The following TSPAN16 variants were observed in gnomAD, a reference collection of about 807,000 sequenced individuals.
TSPAN16 encodes tetraspanin 16.
A neutral mutation model predicts 25.2 loss-of-function variants in TSPAN16; 23 were observed. The observed-to-expected ratio is 0.91, with a 90% CI of 0.66 to 1.29. The LOEUF is 1.29. TSPAN16 is among the 50% of genes most tolerant of loss of function. The pLI is 0.00. For synonymous variants in TSPAN16, 123 were observed against 124.4 expected (o/e 0.99, Z 0.08); for missense variants, 272 against 299.9 (o/e 0.91, Z 0.69).
chr19:11,302,885 ATTTTT>A (rs768528967), intron 4 of TSPAN16, among the ~76,000 whole-genome samples: 1 of 135,076 alleles, frequency 7.4e-6, no homozygotes, highest in Non-Finnish European at 1.6e-5. Flanking sequence ...TGCCTGGCTA[ATTTTT>A]TTTTTTTTTT....
At position 11,298,738 on chromosome 19, in the gene TSPAN16, G is replaced by A. The variant is rs910155637; in HGVS notation, c.268-134G>A. ...TTGAGCCACTGCTCCCGGTCGAATT[G>A]TTTTAAACTGGAGAGGCCAGGGTGG... On this transcript the variant is annotated intron_variant, in intron 2 of 6. Transcript: ENST00000590327. The A allele has an allele frequency of 9.8e-6, 8 of 819,584 alleles. No homozygotes were observed. The Admixed American group carries it at 1.1e-4, about 11-fold the overall frequency. 50.8% of individuals were successfully genotyped at this position (819,584 alleles called of 1,614,324 possible). A position where few individuals can be genotyped will look rare whatever the true frequency, so the allele number is the denominator to read the frequency against.
chr19:11,298,956 G>A lies in TSPAN16; in HGVS notation c.342+10G>A, dbSNP rs956338036. 1 of 1,612,918 alleles carries A rather than the reference G, an allele frequency of 6.2e-7. No homozygotes were observed. Among genetic ancestry groups the A allele is most frequent in the African/African-American group, 1.3e-5 (1 of 74,998 alleles). Reference sequence around the variant, plus strand: ...TCTTTTCTTTCCAATTGTAAGTACAGCCCTGCTCCTCCCACATAGCATTAG... The same window carrying A: ...TCTTTTCTTTCCAATTGTAAGTACAACCCTGCTCCTCCCACATAGCATTAG... On this transcript the variant is annotated intron_variant, in intron 3 of 6. Coordinates refer to ENST00000590327, the MANE Select transcript of TSPAN16 (RefSeq NM_001282509.2).
rs1270293815 is a variant in TSPAN16, at chr19:11,301,255, G to A, written c.397G>A (p.Gly133Ser). 1 of 1,613,880 alleles carries A rather than the reference G, an allele frequency of 6.2e-7. No homozygotes were observed. Among genetic ancestry groups the A allele is most frequent in the Non-Finnish European group, 8.5e-7 (1 of 1,179,972 alleles). Reference sequence around the variant, plus strand: ...CGTGACCCTGAGGAAGAATTACAGAGGTTACAACGAGCCAGACGACTATTC... The same window carrying A: ...CGTGACCCTGAGGAAGAATTACAGAAGTTACAACGAGCCAGACGACTATTC... ...TFVTLRKNYR[G>S]YNEPDDYSTQ... is the part of the protein sequence containing the mutation. Residue 133 changes from glycine (G) to serine (S), a missense_variant, in exon 4 of 7, where the codon GGT (glycine) becomes AGT (serine). By Grantham distance (56) the Gly-to-Ser change is moderately conservative (BLOSUM62 0). Coordinates refer to ENST00000590327, the MANE Select transcript of TSPAN16 (RefSeq NM_001282509.2).
intron 6 of TSPAN16, among the ~76,000 whole-genome samples, chr19:11,314,765 T>G (rs1231117487): frequency 6.6e-6 from 1 of 151,716 alleles, no homozygotes; most frequent in Admixed American, 6.6e-5. Context: ...ATGAAGAGGG[T>G]AGGAGCCCAG....
chr19:11,309,659 C>T (rs571851021), intron 5 of TSPAN16, among the ~76,000 whole-genome samples: 8 of 152,322 alleles, frequency 5.3e-5, no homozygotes, highest in Admixed American at 1.3e-4. Context: ...TGTGTCTTTC[C>T]AGCATTTATC....
intron 4 of TSPAN16, among the ~76,000 whole-genome samples, chr19:11,305,995 C>T (rs548479466): frequency 6.2e-4 from 95 of 152,170 alleles, no homozygotes; most frequent in African/African-American, 2.2e-3. Flanking sequence ...GGGCCGGGCA[C>T]GGTGGCTCAC....
At chr19:11,320,224 C>T (rs1411693988), downstream of TSPAN16, among the ~76,000 whole-genome samples, 2 of 151,114 alleles carry the variant, frequency 1.3e-5, no homozygotes, top group South Asian at 2.1e-4. Flanking sequence ...CTTGTTCAAG[C>T]GATTCTCCCG....
chr19:11,298,017 G>A (rs1402731867), intron 1 of TSPAN16, 125 bp from the exon 2 acceptor site: 9 of 937,758 alleles, frequency 9.6e-6, no homozygotes, highest in African/African-American at 1.6e-5. Context: ...GAACTCCTGG[G>A]CTCAAGTCTT....
chr19:11,315,546 A>C (rs1260452525), intron 6 of TSPAN16, among the ~76,000 whole-genome samples: 1 of 149,590 alleles, frequency 6.7e-6, no homozygotes, highest in Non-Finnish European at 1.5e-5. Context: ...ACAGAGGGAG[A>C]CTTCATCTCA....
At chr19:11,310,956 G>A (rs866062313) in intron 5 of TSPAN16, among the ~76,000 whole-genome samples, 1 of 152,124 alleles carries the variant, frequency 6.6e-6, no homozygotes, top group Middle Eastern at 3.4e-3. Flanking sequence ...TCCCGTCTCA[G>A]CCCCCCAAGT....
downstream of TSPAN16, among the ~76,000 whole-genome samples, chr19:11,320,693 G>GA (rs1488178963): frequency 5.3e-5 from 8 of 150,866 alleles, no homozygotes; most frequent in South Asian, 2.1e-4. Context: ...AAAAAGAAAA[G>GA]AAAAGAAAAA....
At chr19:11,302,289 A>G (rs543078689) in intron 4 of TSPAN16, among the ~76,000 whole-genome samples, 6 of 151,914 alleles carry the variant, frequency 3.9e-5, no homozygotes, top group South Asian at 2.1e-4. Context: ...GGCACCCACC[A>G]TGCTCCTGTC....
intron 5 of TSPAN16, among the ~76,000 whole-genome samples, chr19:11,309,163 T>C (rs1340255323): frequency 6.6e-6 from 1 of 151,782 alleles, no homozygotes; most frequent in African/African-American, 2.4e-5. Flanking sequence ...GAGCCGTGAT[T>C]GTGCCGCTGC....
downstream of TSPAN16, among the ~76,000 whole-genome samples, chr19:11,316,988 T>G (rs1268030555): frequency 6.6e-6 from 1 of 151,748 alleles, no homozygotes; most frequent in Non-Finnish European, 1.5e-5. Context: ...TTTTTTGTAT[T>G]GTTAGTAGAC....
chr19:11,299,772 C>T (rs557028356), intron 3 of TSPAN16, among the ~76,000 whole-genome samples: 55 of 151,790 alleles, frequency 3.6e-4, no homozygotes, highest in African/African-American at 1.1e-3. Flanking sequence ...GTCAGGAGTT[C>T]GAGACCAGCC....
intron 4 of TSPAN16, among the ~76,000 whole-genome samples, chr19:11,302,660 C>CATATATATATTTTAT (rs1320880788): frequency 1.0e-5 from 1 of 97,840 alleles, no homozygotes; most frequent in African/African-American, 5.3e-5. Context: ...TATACACATA[C>CATATATATATTTTAT]ATATATATAT....
Position 11,315,783 on chromosome 19 carries a change from C to G in TSPAN16, c.688-8C>G. 1 of 1,231,812 alleles carries G rather than the reference C, an allele frequency of 8.1e-7. No individual in the cohort carries two copies. 76.3% of individuals were successfully genotyped at this position (1,231,812 alleles called of 1,614,324 possible). ...TTGGATCCATGTTTCTTTCTTCACG[C>G]ATTTCAGTTGCCAGGAATTCTTGCC... On this transcript the variant is annotated splice_region_variant and splice_polypyrimidine_tract_variant and intron_variant, in intron 6 of 6. Transcript: ENST00000590327.
rs978527408 is a variant in TSPAN16, at chr19:11,302,841, C to A, written c.450+1533C>A. On this transcript the variant is annotated intron_variant, in intron 4 of 6. Coordinates refer to ENST00000590327, the MANE Select transcript of TSPAN16 (RefSeq NM_001282509.2). ...TGAAGCAACCTTCCCACCTCAGCCT[C>A]TTGAGTAGCTGGGACTGCAGGTTCG... Among the ~76,000 whole-genome samples, 26 of 150,852 alleles carry A rather than the reference C, an allele frequency of 1.7e-4. No homozygotes were observed. In the Admixed American group the frequency reaches 1.7e-3, roughly 10 times the overall value.
intron 1 of TSPAN16, among the ~76,000 whole-genome samples, chr19:11,296,576 G>A (rs894847218): frequency 2.0e-5 from 3 of 152,226 alleles, no homozygotes; most frequent in Non-Finnish European, 4.4e-5. Context: ...GCACAGATGA[G>A]TGTGATCTGG....
Sources: gnomAD v4.1 joint callset for allele counts (sites outside exome capture counted in the v4.1 genomes callset) on GRCh38, gnomAD v4.1.1 for gene constraint, MANE v1.5 for transcripts, NCBI Gene and HGNC (gene_info 2026-07-23, HGNC 2026-07-21) for gene names.